Variants in CDC27 observed in about 807,000 individuals in gnomAD.
CDC27 encodes the protein cell division cycle 27, also known as cell division cycle protein 27 homolog.
In CDC27, 27 loss-of-function variants were observed where a neutral mutation model predicts 109.7. That is an observed-to-expected ratio of 0.25 (90% CI 0.18 to 0.34). The LOEUF (loss-of-function observed/expected upper bound fraction) is 0.34. Ranked by LOEUF, CDC27 falls within the 10% of genes least tolerant of loss-of-function variation. The pLI, the probability that CDC27 is intolerant of heterozygous loss-of-function variation, is 1.00. For missense variants in CDC27, 579 were observed against 960.2 expected (o/e 0.60, Z 5.25); for synonymous variants, 266 against 333.9 (o/e 0.80, Z 2.22).
chr17:47,155,554 C>A (rs1273956480), intron 7 of CDC27, among the ~76,000 whole-genome samples: 1 of 152,114 alleles, frequency 6.6e-6, no homozygotes, highest in Non-Finnish European at 1.5e-5. Context: ...CCCATTCTAG[C>A]ACATAATTTT....
In CDC27 at chr17:47,126,564, A is replaced by ATGT. The variant is rs568606502; in HGVS notation, c.2161-2605_2161-2604insACA. Among the ~76,000 whole-genome samples the ATGT allele has an allele frequency of 5.9e-5, 9 of 152,330 alleles. No individual in the cohort carries two copies. In the South Asian group the frequency reaches 1.9e-3, roughly 32 times the overall value. On this transcript the variant is annotated intron_variant, in intron 16 of 18. Coordinates refer to ENST00000066544, the MANE Select transcript of CDC27 (RefSeq NM_001256.6). ...CACTATATATATCATAGTCCAGACA[A>ATGT]CTGATGAGATTAGAACTTGGGTTTC...
chr17:47,170,044 T>C lies in CDC27; in HGVS notation c.252-2A>G, dbSNP rs2063768543. 1 of 1,502,308 alleles carries C rather than the reference T, an allele frequency of 6.7e-7. No homozygotes were observed. Among genetic ancestry groups the C allele is most frequent in the Non-Finnish European group, 8.9e-7 (1 of 1,128,318 alleles). The allele number at this position is 1,502,308 out of a possible 1,614,324, so 93.1% of individuals were successfully genotyped here. On this transcript the variant is annotated splice_acceptor_variant, in intron 3 of 18. Transcript: ENST00000066544. LOFTEE classifies it high-confidence loss of function. ...AAGATTTGTTCCCCTTCTGCAAGCC[T>C]TTAAAATACAAATTTAAAGATTTTT...
At chr17:47,125,833 C>CATCAT in intron 16 of CDC27, among the ~76,000 whole-genome samples, 1 of 152,136 alleles carries the variant, frequency 6.6e-6, no homozygotes, top group Non-Finnish European at 1.5e-5. Flanking sequence ...TGAGCTGCTG[C>CATCAT]GCCTGGCCTT....
At position 47,151,659 on chromosome 17, in the gene CDC27, TG is replaced by T. The variant is rs2063154627; in HGVS notation, c.1070+146del. ...ACTCAACTCAAAATTACATTAGTGT[TG>T]TAAGTTAGAGGTTTCAAATTTTACA... On this transcript the variant is annotated intron_variant, in intron 9 of 18. Coordinates refer to ENST00000066544, the MANE Select transcript of CDC27 (RefSeq NM_001256.6). 6 of 525,296 alleles carry T rather than the reference TG, an allele frequency of 1.1e-5. No homozygotes were observed. The South Asian group carries it at 1.9e-4, about 16-fold the overall frequency. 32.5% of individuals were successfully genotyped at this position (525,296 alleles called of 1,614,324 possible).
chr17:47,125,750 G>T (rs1160164982), intron 16 of CDC27, among the ~76,000 whole-genome samples: 1 of 150,300 alleles, frequency 6.7e-6, no homozygotes, highest in African/African-American at 2.5e-5. Flanking sequence ...CACCATGTTG[G>T]CCAGGCTGGT....
chr17:47,174,940 C>T (rs540157797), intron 2 of CDC27, among the ~76,000 whole-genome samples: 1 of 150,656 alleles, frequency 6.6e-6, no homozygotes, highest in Non-Finnish European at 1.5e-5. Flanking sequence ...TGGGCAACAG[C>T]GAAACTCGGT....
intron 9 of CDC27, among the ~76,000 whole-genome samples, chr17:47,151,191 A>C (rs2063141194): frequency 6.6e-6 from 1 of 152,232 alleles, no homozygotes; most frequent in African/African-American, 2.4e-5. Flanking sequence ...GCAAGCTGGC[A>C]CTCAAGAGGA....
At chr17:47,165,527 T>G (rs1298865651) in intron 4 of CDC27, among the ~76,000 whole-genome samples, 1 of 152,232 alleles carries the variant, frequency 6.6e-6, no homozygotes, top group African/African-American at 2.4e-5. Context: ...GAACTGATTT[T>G]TCTTTTATTA....
At chr17:47,173,315 A>G (rs1334635823) in intron 2 of CDC27, among the ~76,000 whole-genome samples, 1 of 152,086 alleles carries the variant, frequency 6.6e-6, no homozygotes, top group African/African-American at 2.4e-5. Context: ...AGTAAATGAT[A>G]AGAAATTTTG....
intron 14 of CDC27, among the ~76,000 whole-genome samples, chr17:47,134,789 T>C (rs889843553): frequency 5.3e-5 from 8 of 149,980 alleles, no homozygotes; most frequent in Non-Finnish European, 7.4e-5. Flanking sequence ...TGTTTTCTTT[T>C]TTTTTTTTTT....
chr17:47,156,356 T>A (rs905372095), intron 7 of CDC27, among the ~76,000 whole-genome samples: 14 of 152,092 alleles, frequency 9.2e-5, no homozygotes, highest in African/African-American at 3.1e-4. Flanking sequence ...GCCAGGATGG[T>A]CTCGATCTCC....
chr17:47,170,839 GCCTATAAC>G (rs2063791223), intron 3 of CDC27: 1 of 152,228 alleles, frequency 6.6e-6, no homozygotes, highest in African/African-American at 2.4e-5. Context: ...AGTGGCTCAA[GCCTATAAC>G]CCCAGCATTG....
In CDC27 at chr17:47,189,279, G is replaced by A. The variant is rs1337011888; in HGVS notation, c.-107C>T. 4 of 863,578 alleles carry A rather than the reference G, an allele frequency of 4.6e-6. No individual in the cohort carries two copies. Among genetic ancestry groups the A allele is most frequent in the African/African-American group, 3.3e-5 (2 of 60,732 alleles). The allele number at this position is 863,578 out of a possible 1,614,324, so 53.5% of individuals were successfully genotyped here. ...AACTCACCAGCGACCGTTACCGGGG[G>A]ATGGGGGAGGCCGAGCGATTGCCGA... On this transcript the variant is annotated 5_prime_UTR_variant, in exon 1 of 19. Transcript: ENST00000066544.
At chr17:47,188,266 A>G (rs767684982) in intron 1 of CDC27, among the ~76,000 whole-genome samples, 1 of 152,200 alleles carries the variant, frequency 6.6e-6, no homozygotes, top group African/African-American at 2.4e-5. Context: ...GACCTGGTCC[A>G]TTACCAAGGC....
intron 9 of CDC27, among the ~76,000 whole-genome samples, chr17:47,148,391 G>A (rs1349341774): frequency 6.6e-6 from 1 of 152,140 alleles, no homozygotes; most frequent in Non-Finnish European, 1.5e-5. Flanking sequence ...ACACGGAGAG[G>A]AGAAAGATTG....
chr17:47,157,449 T>C (rs1384972472), intron 5 of CDC27, 65 bp from the exon 6 acceptor site: 7 of 1,273,062 alleles, frequency 5.5e-6, no homozygotes, highest in African/African-American at 1.5e-5. Context: ...TTTTCAAGTA[T>C]GCATAAATCA....
intron 12 of CDC27, 116 bp downstream of exon 12, chr17:47,141,737 G>T: frequency 1.9e-6 from 1 of 537,900 alleles, no homozygotes; most frequent in Non-Finnish European, 3.2e-6. Context: ...TAAATATATA[G>T]ACATTACATA....
intron 12 of CDC27, 87 bp downstream of exon 12, chr17:47,141,766 G>C: frequency 1.4e-6 from 1 of 728,156 alleles, no homozygotes; most frequent in East Asian, 2.8e-5. Context: ...TGATCTTTTA[G>C]ATCTAGCCTT....
At chr17:47,162,749 G>A (rs2063533257) in intron 4 of CDC27, among the ~76,000 whole-genome samples, 1 of 151,904 alleles carries the variant, frequency 6.6e-6, no homozygotes, top group Non-Finnish European at 1.5e-5. Context: ...TTTATATTAG[G>A]AAAAGAAAAA....
Sources: allele counts gnomAD v4.1 joint callset (sites outside exome capture counted in the v4.1 genomes callset), GRCh38; gene constraint gnomAD v4.1.1; transcripts MANE v1.5; gene names NCBI Gene and HGNC (gene_info 2026-07-23, HGNC 2026-07-21).